MAP3K20: variants seen among roughly 807,000 people sequenced by gnomAD.
The protein encoded by MAP3K20 is mitogen-activated protein kinase kinase kinase 20.
In MAP3K20, 40 loss-of-function variants were observed where a neutral mutation model predicts 85.7. That is an observed-to-expected ratio of 0.47 (90% CI 0.36 to 0.61). The LOEUF (loss-of-function observed/expected upper bound fraction) is 0.61. MAP3K20 is among the 20% of genes least tolerant of loss of function. MAP3K20 has a pLI of 0.00. For synonymous variants in MAP3K20, 325 were observed against 327.7 expected, an observed-to-expected ratio of 0.99 and a Z score of 0.09; for missense variants, 817 against 961.7, an observed-to-expected ratio of 0.85 and a Z score of 1.99.
At chr2:173,228,237 C>T (rs1308125071) in intron 11 of MAP3K20, among the ~76,000 whole-genome samples, 1 of 152,144 alleles carries the variant, frequency 6.6e-6, no homozygotes, top group Non-Finnish European at 1.5e-5. Context: ...TTCCGCTTGC[C>T]TTCCCACCCT....
intron 16 of MAP3K20, among the ~76,000 whole-genome samples, chr2:173,246,483 G>T (rs1442083553): frequency 6.6e-6 from 1 of 152,116 alleles, no homozygotes; most frequent in Non-Finnish European, 1.5e-5. Flanking sequence ...ATATTCGGCT[G>T]CCTAGATTTT....
At chr2:173,214,872 GT>G (rs921892673) in intron 10 of MAP3K20, among the ~76,000 whole-genome samples, 3 of 151,858 alleles carry the variant, frequency 2.0e-5, no homozygotes. Flanking sequence ...GGGAGCAGCT[GT>G]TTTTTTTGTC....
intron 16 of MAP3K20, among the ~76,000 whole-genome samples, chr2:173,247,170 A>G (rs1684936108): frequency 6.6e-6 from 1 of 152,152 alleles, no homozygotes. Context: ...TTTTCCAGCC[A>G]TGTCATCTAT....
At chr2:173,265,021 A>G (rs1685384154) in intron 19 of MAP3K20, among the ~76,000 whole-genome samples, 1 of 150,186 alleles carries the variant, frequency 6.7e-6, no homozygotes, top group Non-Finnish European at 1.5e-5. Context: ...TTTTACCACA[A>G]TAAAATACAC....
chr2:173,120,698 CTTCT>C (rs1428103182), intron 2 of MAP3K20, among the ~76,000 whole-genome samples: 13 of 103,136 alleles, frequency 1.3e-4, no homozygotes, highest in African/African-American at 4.3e-4. Flanking sequence ...GTCACTCTCA[CTTCT>C]TTTTTTTTTT....
chr2:173,215,985 C>T (rs946497510), intron 10 of MAP3K20: 1 of 152,278 alleles, frequency 6.6e-6, no homozygotes, highest in African/African-American at 2.4e-5. Context: ...GCTGGCAGCA[C>T]CCAGCAGCTA....
chr2:173,178,184 TGAAA>T (rs1302980247), intron 3 of MAP3K20, among the ~76,000 whole-genome samples: 1 of 152,196 alleles, frequency 6.6e-6, no homozygotes, highest in East Asian at 1.9e-4. Context: ...AAATCAGGAA[TGAAA>T]GAAAGAGCAG....
chr2:173,196,426 A>AC (rs1439825926), intron 7 of MAP3K20, among the ~76,000 whole-genome samples: 1 of 152,010 alleles, frequency 6.6e-6, no homozygotes, highest in Non-Finnish European at 1.5e-5. Context: ...GATGCCCCTT[A>AC]CCTTTTCCTA....
At chr2:173,168,035 C>T (rs1559261190) in intron 2 of MAP3K20, among the ~76,000 whole-genome samples, 2 of 151,752 alleles carry the variant, frequency 1.3e-5, no homozygotes, top group African/African-American at 4.8e-5. Flanking sequence ...GATTTCCAAA[C>T]TGCACATACA....
chr2:173,263,963 A>G, intron 19 of MAP3K20, 68 bp downstream of exon 19: 2 of 1,541,660 alleles, frequency 1.3e-6, no homozygotes, highest in Non-Finnish European at 1.7e-6. Flanking sequence ...TTTCCAGATG[A>G]TCTAAAGACT....
chr2:173,190,291 C>G (rs1274751307), intron 5 of MAP3K20, among the ~76,000 whole-genome samples: 1 of 152,156 alleles, frequency 6.6e-6, no homozygotes, highest in African/African-American at 2.4e-5. Context: ...TTTCTCTCAT[C>G]ATGGAATCTA....
intron 2 of MAP3K20, among the ~76,000 whole-genome samples, chr2:173,138,521 C>T (rs7602751): frequency 0.25 from 38,144 of 151,986 alleles, 5,852 homozygotes; most frequent in East Asian, 0.56. Flanking sequence ...TCTTAGAAAT[C>T]GAATACAATA....
intron 16 of MAP3K20, among the ~76,000 whole-genome samples, chr2:173,249,157 A>G (rs551702710): frequency 6.6e-6 from 1 of 152,236 alleles, no homozygotes; most frequent in Non-Finnish European, 1.5e-5. Flanking sequence ...AAAAACGTGG[A>G]AACAGTCATA....
In MAP3K20 at chr2:173,122,246, C is replaced by T. The variant is rs367979168; in HGVS notation, c.159+31056C>T. On this transcript the variant is annotated intron_variant, in intron 2 of 19. Transcript: ENST00000375213. Reference sequence around the variant, plus strand: ...GGGAGGATTTTCCTTAAAAGCTGTTCTTTGGGGGTCACCCCTAACTGGGGA... The same window carrying T: ...GGGAGGATTTTCCTTAAAAGCTGTTTTTTGGGGGTCACCCCTAACTGGGGA... Among the ~76,000 whole-genome samples, 82 of 152,330 alleles carry T rather than the reference C, an allele frequency of 5.4e-4. 1 individual carries two copies. In the South Asian group the frequency reaches 9.5e-3, roughly 18 times the overall value.
intron 10 of MAP3K20, among the ~76,000 whole-genome samples, chr2:173,216,215 C>A (rs1356015291): frequency 6.6e-6 from 1 of 152,170 alleles, no homozygotes; most frequent in Non-Finnish European, 1.5e-5. Context: ...TGTGCTGAGC[C>A]ATGGTACCAG....
intron 9 of MAP3K20, among the ~76,000 whole-genome samples, chr2:173,205,648 G>C (rs1051629233): frequency 6.6e-6 from 1 of 152,088 alleles, no homozygotes; most frequent in Non-Finnish European, 1.5e-5. Flanking sequence ...ACTGTGCTGC[G>C]TACATGTTGC....
chr2:173,109,715 C>CTGGAAGGGCACTGGCGCCAGG (rs1473643494), intron 2 of MAP3K20, among the ~76,000 whole-genome samples: 1 of 152,056 alleles, frequency 6.6e-6, no homozygotes, highest in African/African-American at 2.4e-5. Flanking sequence ...TCTCTGCTCT[C>CTGGAAGGGCACTGGCGCCAGG]TGGAAGGGCA....
intron 2 of MAP3K20, among the ~76,000 whole-genome samples, chr2:173,133,850 G>A (rs1228858046): frequency 6.6e-6 from 1 of 151,774 alleles, no homozygotes; most frequent in African/African-American, 2.4e-5. Context: ...AATTAGCCGG[G>A]CATGGTGGTG....
At chr2:173,110,972 T>TCCCACTAAA (rs1687958675) in intron 2 of MAP3K20, among the ~76,000 whole-genome samples, 5 of 152,216 alleles carry the variant, frequency 3.3e-5, no homozygotes, top group Admixed American at 1.3e-4. Context: ...GATCAAATGG[T>TCCCACTAAA]AGTTCTACTT....
Sources: allele counts gnomAD v4.1 joint callset (sites outside exome capture counted in the v4.1 genomes callset), GRCh38; gene constraint gnomAD v4.1.1; transcripts MANE v1.5; gene names NCBI Gene and HGNC (gene_info 2026-07-23, HGNC 2026-07-21).